The following SLC39A8 variants were observed in gnomAD, a reference collection of about 807,000 sequenced individuals.
SLC39A8 encodes the protein solute carrier family 39 member 8, also known as metal cation symporter ZIP8.
In SLC39A8, 15 loss-of-function variants were observed where a neutral mutation model predicts 40.4. That is an observed-to-expected ratio of 0.37 (90% CI 0.25 to 0.57). The LOEUF is 0.57. Among genes scored for constraint, SLC39A8 ranks in the 20% least tolerant of loss-of-function variants. The pLI, the probability that SLC39A8 is intolerant of heterozygous loss-of-function variation, is 0.75. For missense variants in SLC39A8, 472 were observed against 558.8 expected (o/e 0.84, Z 1.57); for synonymous variants, 223 against 221.6 (o/e 1.01, Z -0.06).
intron 3 of SLC39A8, among the ~76,000 whole-genome samples, chr4:102,315,138 G>A (rs6855535): frequency 0.15 from 22,623 of 152,028 alleles, 1,833 homozygotes; most frequent in Middle Eastern, 0.24. Flanking sequence ...AGATCATACC[G>A]TTAAAGTACA....
chr4:102,298,655 GC>G (rs1468067153), intron 6 of SLC39A8, among the ~76,000 whole-genome samples: 1 of 152,030 alleles, frequency 6.6e-6, no homozygotes, highest in Admixed American at 6.6e-5. Context: ...ATCCTGAAAT[GC>G]CCTCTTGAAG....
In SLC39A8 at chr4:102,253,332, C is replaced by T. The variant is rs947505304; in HGVS notation, c.*397G>A. The T allele has an allele frequency of 1.5e-5, 10 of 681,258 alleles. No homozygotes were observed. In the South Asian group the frequency reaches 1.5e-4, roughly 10 times the overall value. The allele number at this position is 681,258 out of a possible 1,614,324, so 42.2% of individuals were successfully genotyped here. A position where few individuals can be genotyped will look rare whatever the true frequency, so the allele number is the denominator to read the frequency against. ...CAGCATCACGTCTCAATGGTCATAA[C>T]TATGTCATATGCCAACCTCTAACCA... On this transcript the variant is annotated 3_prime_UTR_variant and NMD_transcript_variant, in exon 12 of 12. Transcript: ENST00000424970.
At chr4:102,309,673 A>G (rs1247763087) in intron 3 of SLC39A8, among the ~76,000 whole-genome samples, 2 of 152,146 alleles carry the variant, frequency 1.3e-5, no homozygotes, top group African/African-American at 4.8e-5. Context: ...AAAGGCAAAG[A>G]AATTGTTAAG....
chr4:102,306,581 G>A (rs538299761), intron 4 of SLC39A8, among the ~76,000 whole-genome samples: 1 of 151,936 alleles, frequency 6.6e-6, no homozygotes, highest in African/African-American at 2.4e-5. Flanking sequence ...CGAGATAAGG[G>A]TGGTACTCCC....
At chr4:102,278,368 C>G (rs181207495) in intron 6 of SLC39A8, among the ~76,000 whole-genome samples, 1 of 152,112 alleles carries the variant, frequency 6.6e-6, no homozygotes, top group African/African-American at 2.4e-5. Flanking sequence ...ATTTATGTGG[C>G]CAACAAACAT....
At chr4:102,287,919 A>G (rs1477290167) in intron 6 of SLC39A8, among the ~76,000 whole-genome samples, 1 of 152,170 alleles carries the variant, frequency 6.6e-6, no homozygotes, top group Non-Finnish European at 1.5e-5. Context: ...TGAATGTTGC[A>G]TATGAATAAT....
In SLC39A8 at chr4:102,262,805, G is replaced by C; in HGVS notation, c.*239C>G. 2 of 1,248,318 alleles carry C rather than the reference G, an allele frequency of 1.6e-6. No individual in the cohort carries two copies. Among genetic ancestry groups the C allele is most frequent in the Admixed American group, 7.8e-5 (2 of 25,496 alleles). The allele number at this position is 1,248,318 out of a possible 1,614,324, so 77.3% of individuals were successfully genotyped here. A position where few individuals can be genotyped will look rare whatever the true frequency, so the allele number is the denominator to read the frequency against. On this transcript the variant is annotated 3_prime_UTR_variant, in exon 9 of 9. Coordinates refer to ENST00000356736, the MANE Select transcript of SLC39A8 (RefSeq NM_001135146.2). ...ATATGCATGGAATACTGAAAAATAG[G>C]TATTTCCCAAAGGCTCCTATATACC... is the stretch of plus-strand genomic sequence containing the variant.
chr4:102,336,433 G>T (rs534402964), intron 2 of SLC39A8, among the ~76,000 whole-genome samples: 1 of 152,132 alleles, frequency 6.6e-6, no homozygotes, highest in Non-Finnish European at 1.5e-5. Flanking sequence ...GGTCTAAGAA[G>T]CTCACCAAAT....
chr4:102,254,222 T>C (rs1255896480), intron 11 of SLC39A8, among the ~76,000 whole-genome samples: 1 of 152,210 alleles, frequency 6.6e-6, no homozygotes, highest in Non-Finnish European at 1.5e-5. Context: ...ACTGTCCATG[T>C]TCTCTAACAT....
At chr4:102,322,482 T>C (rs1450857387) in intron 2 of SLC39A8, among the ~76,000 whole-genome samples, 1 of 152,202 alleles carries the variant, frequency 6.6e-6, no homozygotes, top group East Asian at 1.9e-4. Context: ...CATCATAACC[T>C]ATAGGAAAAC....
exon 12 of SLC39A8, chr4:102,252,731 C>G (rs1454579658): frequency 1.3e-5 from 2 of 152,136 alleles, no homozygotes; most frequent in Non-Finnish European, 2.9e-5. Context: ...GCTATTTCCT[C>G]TCAAGGTAGC....
chr4:102,344,115 C>T (rs1409395549), intron 2 of SLC39A8, among the ~76,000 whole-genome samples: 1 of 152,120 alleles, frequency 6.6e-6, no homozygotes, highest in African/African-American at 2.4e-5. Flanking sequence ...TAACTCATTC[C>T]TATCTAAAAA....
At chr4:102,325,907 C>T (rs753940502) in intron 2 of SLC39A8, among the ~76,000 whole-genome samples, 1 of 152,186 alleles carries the variant, frequency 6.6e-6, no homozygotes, top group Non-Finnish European at 1.5e-5. Context: ...CATTTTCTGT[C>T]TTTGTCATAG....
intron 2 of SLC39A8, among the ~76,000 whole-genome samples, chr4:102,342,386 C>T (rs1050807224): frequency 1.3e-5 from 2 of 152,150 alleles, no homozygotes; most frequent in Non-Finnish European, 2.9e-5. Flanking sequence ...GTAATCCCAG[C>T]TACCTGGAAG....
At chr4:102,268,203 C>G in intron 6 of SLC39A8, 124 bp from the exon 7 acceptor site, 1 of 889,334 alleles carries the variant, frequency 1.1e-6, no homozygotes, top group South Asian at 1.6e-5. Context: ...TTTAGAGTAA[C>G]TAGGAAACCC....
At chr4:102,301,033 C>T (rs1044722814) in intron 6 of SLC39A8, among the ~76,000 whole-genome samples, 3 of 151,952 alleles carry the variant, frequency 2.0e-5, no homozygotes, top group Admixed American at 1.3e-4. Context: ...AAATTAACGT[C>T]AAAACTATTA....
intron 6 of SLC39A8, among the ~76,000 whole-genome samples, chr4:102,294,117 ATCT>A (rs1733584616): frequency 6.6e-6 from 1 of 152,080 alleles, no homozygotes; most frequent in South Asian, 2.1e-4. Context: ...ATGGAAGGAA[ATCT>A]TAGTGAAAAG....
At chr4:102,283,006 G>A (rs1364042002) in intron 6 of SLC39A8, among the ~76,000 whole-genome samples, 3 of 152,176 alleles carry the variant, frequency 2.0e-5, no homozygotes, top group African/African-American at 4.8e-5. Flanking sequence ...GATTACAGGC[G>A]TGAGCCACCA....
At chr4:102,314,269 A>C (rs546480056) in intron 3 of SLC39A8, among the ~76,000 whole-genome samples, 125 of 151,954 alleles carry the variant, frequency 8.2e-4, no homozygotes, top group Non-Finnish European at 1.4e-3. Flanking sequence ...CTTTAGTCCA[A>C]GTCCCCATCA....
Sources: allele counts gnomAD v4.1 joint callset (sites outside exome capture counted in the v4.1 genomes callset), GRCh38; gene constraint gnomAD v4.1.1; transcripts MANE v1.5; gene names NCBI Gene and HGNC (gene_info 2026-07-23, HGNC 2026-07-21).